WDR5: variants seen among roughly 807,000 people sequenced by gnomAD.
The protein encoded by WDR5 is WD repeat-containing protein 5.
For synonymous variants in WDR5, 144 were observed against 161.6 expected (o/e 0.89, Z 0.83); for missense variants, 187 against 416.9 (o/e 0.45, Z 4.80).
At chr9:134,142,789 G>A in intron 7 of WDR5, 70 bp downstream of exon 7, 2 of 1,515,850 alleles carry the variant, frequency 1.3e-6, no homozygotes, top group Non-Finnish European at 1.8e-6. Context: ...GTGGCCAGCT[G>A]TCTCCCTGAG....
At chr9:134,146,860 G>C (rs1832232844) in intron 7 of WDR5, among the ~76,000 whole-genome samples, 1 of 152,228 alleles carries the variant, frequency 6.6e-6, no homozygotes. Flanking sequence ...TTGAGAGGCT[G>C]CCGGCCAGAT....
chr9:134,135,889 C>T (rs1337405453), upstream of WDR5: 1 of 150,274 alleles, frequency 6.7e-6, no homozygotes, highest in Non-Finnish European at 1.5e-5. Context: ...TTAGAAGGGC[C>T]TGCACCAGTC....
In WDR5 at chr9:134,159,656, G is replaced by A. The variant is rs561054395; in HGVS notation, c.*1663G>A. ...ACGGATGAGTGACCTGCACTAAGAA[G>A]TGAGTTGCCACAGTGAAAATGGGTT... On this transcript the variant is annotated 3_prime_UTR_variant, in exon 14 of 14. Transcript: ENST00000358625. The surrounding 1 kb of genome is among the most constrained non-coding windows in gnomAD (Gnocchi z 4.3). 3 of 152,384 alleles carry A rather than the reference G, an allele frequency of 2.0e-5. No individual in the cohort carries two copies. The highest frequency in any genetic ancestry group is 6.5e-5 in the Admixed American group (1 of 15,300). The allele number at this position is 152,384 out of a possible 1,614,324, so 9.4% of individuals were successfully genotyped here. A position where few individuals can be genotyped will look rare whatever the true frequency, so the allele number is the denominator to read the frequency against.
At chr9:134,145,928 TC>T (rs1165151359) in intron 7 of WDR5, among the ~76,000 whole-genome samples, 1 of 119,130 alleles carries the variant, frequency 8.4e-6, no homozygotes, top group African/African-American at 3.4e-5. Context: ...CTTCTCTGTT[TC>T]TTTCTTTCTT....
chr9:134,142,970 C>T (rs1831972239), intron 7 of WDR5, among the ~76,000 whole-genome samples: 1 of 152,064 alleles, frequency 6.6e-6, no homozygotes, highest in Admixed American at 6.5e-5. Flanking sequence ...CACCAAGGGG[C>T]CGTTTGTGCA....
At chr9:134,152,682 A>C (rs1256747552) in intron 9 of WDR5, among the ~76,000 whole-genome samples, 1 of 152,132 alleles carries the variant, frequency 6.6e-6, no homozygotes, top group Non-Finnish European at 1.5e-5. Flanking sequence ...CTGGGTGGTG[A>C]GGATGGGGGG....
At chr9:134,153,629 C>T (rs999062118) in intron 9 of WDR5, among the ~76,000 whole-genome samples, 2 of 152,214 alleles carry the variant, frequency 1.3e-5, no homozygotes, top group African/African-American at 4.8e-5. Flanking sequence ...TGTGACCGGG[C>T]TGAGGGAGCG....
chr9:134,156,132 C>T (rs533792855), intron 12 of WDR5, among the ~76,000 whole-genome samples: 4 of 152,332 alleles, frequency 2.6e-5, no homozygotes, highest in Admixed American at 6.5e-5. Flanking sequence ...TGTGTTTTCC[C>T]GCCCACCCAC....
chr9:134,140,874 G>T, intron 3 of WDR5, 63 bp downstream of exon 3: 1 of 1,506,766 alleles, frequency 6.6e-7, no homozygotes, highest in Non-Finnish European at 9.2e-7. Flanking sequence ...CAAAAAGCTG[G>T]CGAGGGGATG....
intron 10 of WDR5, among the ~76,000 whole-genome samples, chr9:134,154,930 A>T (rs1045708438): frequency 6.6e-6 from 1 of 152,208 alleles, no homozygotes; most frequent in African/African-American, 2.4e-5. Flanking sequence ...TCTAAGCTCC[A>T]GCTTTCCCAT....
At position 134,157,214 on chromosome 9, in the gene WDR5, G is replaced by A; in HGVS notation, c.904+621G>A. ...CACTGCTTCTCCCTCCCTGTGAGCA[G>A]CTTCACCCAGCCTGGGGTCAGTGCT... is the stretch of plus-strand genomic sequence containing the variant. On this transcript the variant is annotated intron_variant, in intron 13 of 13. Coordinates refer to ENST00000358625, the MANE Select transcript of WDR5 (RefSeq NM_017588.3). This position sits in a 1 kb window ranked among gnomAD's most constrained non-coding sequence, Gnocchi z 5.0. Among the ~76,000 whole-genome samples the A allele has an allele frequency of 6.6e-6, 1 of 152,234 alleles. No individual in the cohort carries two copies. The highest frequency in any genetic ancestry group is 1.5e-5 in the Non-Finnish European group (1 of 68,044).
intron 7 of WDR5, among the ~76,000 whole-genome samples, chr9:134,144,086 C>G (rs1832042268): frequency 6.6e-6 from 1 of 152,244 alleles, no homozygotes; most frequent in Non-Finnish European, 1.5e-5. Context: ...CCTTGGAAGG[C>G]TTTGCCCGAG....
Position 134,139,841 on chromosome 9 carries a change from C to T in WDR5, c.-37C>T, listed in dbSNP as rs373047718. ...ACAGACTGCCTCTGTCACCGGGTCC[C>T]TCCACCCTTGTCTCCTGTGCGGCCA... is the stretch of plus-strand genomic sequence containing the variant. On this transcript the variant is annotated 5_prime_UTR_variant, in exon 2 of 14. Coordinates refer to ENST00000358625, the MANE Select transcript of WDR5 (RefSeq NM_017588.3). The T allele has an allele frequency of 9.9e-6, 16 of 1,612,364 alleles. No individual in the cohort carries two copies. Among genetic ancestry groups the T allele is most frequent in the Non-Finnish European group, 1.3e-5 (15 of 1,179,070 alleles).
At chr9:134,144,327 C>T (rs984266853) in intron 7 of WDR5, among the ~76,000 whole-genome samples, 3 of 152,296 alleles carry the variant, frequency 2.0e-5, no homozygotes, top group South Asian at 4.1e-4. Context: ...CTCCAGGACA[C>T]CTTGGGTCAT....
chr9:134,156,848 G>A (rs1233368215), intron 13 of WDR5, among the ~76,000 whole-genome samples: 1 of 152,232 alleles, frequency 6.6e-6, no homozygotes, highest in Non-Finnish European at 1.5e-5. Context: ...GGTCCGGAAG[G>A]TGTGTGTGGC....
chr9:134,148,489 A>C, intron 8 of WDR5, 146 bp downstream of exon 8: 1 of 615,736 alleles, frequency 1.6e-6, no homozygotes, highest in Non-Finnish European at 2.7e-6. Flanking sequence ...CGCTGCAGAC[A>C]TGTTAGCAGA....
At chr9:134,141,719 G>A in intron 4 of WDR5, 136 bp downstream of exon 4, 2 of 1,017,108 alleles carry the variant, frequency 2.0e-6, no homozygotes, top group South Asian at 3.2e-5. Flanking sequence ...ATAGTTATTT[G>A]CATCTTGAAC....
In WDR5 at chr9:134,158,044, G is replaced by C; in HGVS notation, c.*51G>C. On this transcript the variant is annotated 3_prime_UTR_variant, in exon 14 of 14. Transcript: ENST00000358625. The stretch of plus-strand genomic sequence containing the variant: ...ACTGTCGGGAAGTTGACCCGGATTG[G>C]CAAGAAACAGGGTGTCTTGGAGGTG... 1 of 1,557,404 alleles carries C rather than the reference G, an allele frequency of 6.4e-7. No individual in the cohort carries two copies. The highest frequency in any genetic ancestry group is 1.4e-5 in the African/African-American group (1 of 73,944).
At chr9:134,156,409 C>T (rs530400701) in intron 12 of WDR5, 97 bp from the exon 13 acceptor site, 162 of 1,234,370 alleles carry the variant, frequency 1.3e-4, no homozygotes, top group Middle Eastern at 2.0e-4. Context: ...GCAGGGTGGG[C>T]GTGGGGCAGG....
Sources: gnomAD v4.1 joint callset for allele counts (sites outside exome capture counted in the v4.1 genomes callset) on GRCh38, gnomAD v4.1.1 for gene constraint, Gnocchi (gnomAD v3.1) non-coding constraint, MANE v1.5 for transcripts, NCBI Gene and HGNC (gene_info 2026-07-23, HGNC 2026-07-21) for gene names.